EYA2: variants seen among roughly 807,000 people sequenced by gnomAD.
EYA2 encodes the protein protein phosphatase EYA2.
EYA2 carries 31 observed loss-of-function variants against 69.2 expected under a neutral mutation model. The ratio of observed to expected loss-of-function variants is 0.45; its 90% CI spans 0.34 to 0.60. The LOEUF (loss-of-function observed/expected upper bound fraction) is 0.60. Among genes scored for constraint, EYA2 ranks in the 20% least tolerant of loss-of-function variants. The pLI is 0.02. For synonymous variants in EYA2, 257 were observed against 279.4 expected (o/e 0.92, Z 0.80); for missense variants, 622 against 701.2 (o/e 0.89, Z 1.28).
chr20:47,084,224 C>T (rs1037207482), intron 7 of EYA2, among the ~76,000 whole-genome samples: 6 of 149,720 alleles, frequency 4.0e-5, no homozygotes, highest in Non-Finnish European at 8.9e-5. Context: ...CCAGCCTGGG[C>T]GACAGAGTGA....
At chr20:46,988,088 CATT>C (rs1014557895) in intron 1 of EYA2, among the ~76,000 whole-genome samples, 6 of 147,330 alleles carry the variant, frequency 4.1e-5, no homozygotes, top group African/African-American at 1.2e-4. Context: ...TTGCGTTGGA[CATT>C]ATAAGTAATC....
chr20:47,122,802 C>G (rs1160461904), intron 9 of EYA2, among the ~76,000 whole-genome samples: 1 of 152,174 alleles, frequency 6.6e-6, no homozygotes, highest in African/African-American at 2.4e-5. Context: ...TCGTTTACAT[C>G]TTGTCTATGT....
intron 7 of EYA2, among the ~76,000 whole-genome samples, chr20:47,085,451 C>G (rs1363923075): frequency 6.6e-6 from 1 of 151,646 alleles, no homozygotes; most frequent in East Asian, 1.9e-4. Context: ...ATCGAGACCA[C>G]CCTGGCCAAC....
chr20:47,150,838 C>T (rs1157885869), intron 10 of EYA2, among the ~76,000 whole-genome samples: 1 of 152,018 alleles, frequency 6.6e-6, no homozygotes, highest in Non-Finnish European at 1.5e-5. Flanking sequence ...GTTCTCTCTT[C>T]TGCTCACACC....
chr20:46,989,759 C>G (rs1981531552), intron 1 of EYA2, among the ~76,000 whole-genome samples: 1 of 152,092 alleles, frequency 6.6e-6, no homozygotes, highest in Non-Finnish European at 1.5e-5. Context: ...CAAAATACAG[C>G]AAGAAGGAGG....
chr20:46,906,773 G>A (rs1335668527), intron 1 of EYA2, among the ~76,000 whole-genome samples: 1 of 152,132 alleles, frequency 6.6e-6, no homozygotes, highest in Non-Finnish European at 1.5e-5. Context: ...TGGTTCTAGA[G>A]TTTGTCTTCA....
At chr20:47,118,548 C>T (rs192674833) in intron 9 of EYA2, among the ~76,000 whole-genome samples, 1 of 152,278 alleles carries the variant, frequency 6.6e-6, no homozygotes, top group African/African-American at 2.4e-5. Context: ...GGCTTAATCC[C>T]TTATAATGAT....
At chr20:46,954,820 T>G (rs1431657731) in intron 1 of EYA2, among the ~76,000 whole-genome samples, 1 of 151,502 alleles carries the variant, frequency 6.6e-6, no homozygotes. Context: ...CAGTTCTTAC[T>G]ACGAGGCATT....
intron 1 of EYA2, among the ~76,000 whole-genome samples, chr20:46,971,469 CTT>C (rs2146300318): frequency 6.6e-6 from 1 of 152,360 alleles, no homozygotes; most frequent in South Asian, 2.1e-4. Flanking sequence ...ACTTGCATCA[CTT>C]TTGATTCCAC....
Position 47,168,214 on chromosome 20 carries a change from CAG to C in EYA2, c.979-922_979-921del, listed in dbSNP as rs1299685281. On this transcript the variant is annotated intron_variant, in intron 10 of 15. Transcript: ENST00000327619. ...TTTTGTTTTTTTGTTTTTTTTGAGA[CAG>C]AGTCTTGCTCTGTCATGCAGGCTGG... Among the ~76,000 whole-genome samples, 13 of 150,414 alleles carry C rather than the reference CAG, an allele frequency of 8.6e-5. No individual in the cohort carries two copies. The South Asian group carries it at 1.7e-3, about 19-fold the overall frequency.
At chr20:47,178,070 C>G (rs949900863) in intron 12 of EYA2, among the ~76,000 whole-genome samples, 1 of 152,206 alleles carries the variant, frequency 6.6e-6, no homozygotes, top group Non-Finnish European at 1.5e-5. Context: ...GAGGTTCACA[C>G]CTGTAATTCC....
At position 47,067,423 on chromosome 20, in the gene EYA2, A is replaced by G. The variant is rs145170409; in HGVS notation, c.416-4762A>G. 3.0e-3 allele frequency among the ~76,000 whole-genome samples: 452 copies of G among 152,268 alleles called. 1 individual carries two copies. The highest frequency in any genetic ancestry group is 0.01 in the African/African-American group (426 of 41,564). ...ATAGTCAACAAAAATTTAAATGTAC[A>G]TTCTCAAATAACTGGAAGAGTATAA... On this transcript the variant is annotated intron_variant, in intron 5 of 15. Coordinates refer to ENST00000327619, the MANE Select transcript of EYA2 (RefSeq NM_005244.5).
At chr20:47,161,782 C>T in intron 10 of EYA2, 1 of 161,730 alleles carries the variant, frequency 6.2e-6, no homozygotes, top group Non-Finnish European at 1.3e-5. Context: ...CGGTGCCGGG[C>T]CCATAGTAGG....
intron 10 of EYA2, among the ~76,000 whole-genome samples, chr20:47,154,816 GTTT>G (rs1352065450): frequency 2.4e-5 from 2 of 83,638 alleles, no homozygotes; most frequent in Non-Finnish European, 4.7e-5. Context: ...TGTTTATTTT[GTTT>G]TGTGTGTGTG....
chr20:47,047,590 T>C (rs2030110920), intron 5 of EYA2, among the ~76,000 whole-genome samples: 1 of 152,192 alleles, frequency 6.6e-6, no homozygotes, highest in Admixed American at 6.5e-5. Context: ...TTTCACCATG[T>C]TGGCCAGGCT....
intron 1 of EYA2, among the ~76,000 whole-genome samples, chr20:46,948,163 A>G (rs1240321288): frequency 6.6e-6 from 1 of 152,052 alleles, no homozygotes. Flanking sequence ...AATTACTACC[A>G]TATTAGTCTA....
At chr20:47,115,841 C>T (rs578003819) in intron 9 of EYA2, among the ~76,000 whole-genome samples, 1 of 152,200 alleles carries the variant, frequency 6.6e-6, no homozygotes, top group Admixed American at 6.5e-5. Context: ...AGGCCCCGGG[C>T]GGTCCAGCCC....
At chr20:47,001,587 C>T (rs1294567800) in intron 3 of EYA2, 114 bp downstream of exon 3, 4 of 1,090,176 alleles carry the variant, frequency 3.7e-6, no homozygotes, top group East Asian at 2.4e-5. Context: ...GAATCCCAGC[C>T]GTAGCACTTC....
intron 9 of EYA2, among the ~76,000 whole-genome samples, chr20:47,134,174 C>A (rs1052598199): frequency 2.0e-5 from 3 of 152,194 alleles, no homozygotes; most frequent in Non-Finnish European, 4.4e-5. Flanking sequence ...CACCAGATAG[C>A]GTAGATGTCT....
Sources: allele counts gnomAD v4.1 joint callset (sites outside exome capture counted in the v4.1 genomes callset), GRCh38; gene constraint gnomAD v4.1.1; transcripts MANE v1.5; gene names NCBI Gene and HGNC (gene_info 2026-07-23, HGNC 2026-07-21).